The following PDE3A variants were observed in gnomAD, a reference collection of about 807,000 sequenced individuals.
The protein encoded by PDE3A is cGMP-inhibited 3',5'-cyclic phosphodiesterase 3A.
In PDE3A, 43 loss-of-function variants were observed where a neutral mutation model predicts 98.3. The ratio of observed to expected loss-of-function variants is 0.44; its 90% CI spans 0.34 to 0.56. The LOEUF (loss-of-function observed/expected upper bound fraction) is 0.56, where lower values mean the gene tolerates loss of function less well. Ranked by LOEUF, PDE3A falls within the 20% of genes least tolerant of loss-of-function variation. The pLI, the probability that PDE3A is intolerant of heterozygous loss-of-function variation, is 0.01. For synonymous variants in PDE3A, 663 were observed against 567.9 expected (o/e 1.17, Z -2.38); for missense variants, 1,427 against 1,440.7 (o/e 0.99, Z 0.15).
chr12:20,376,340 A>G (rs923844500), intron 1 of PDE3A, among the ~76,000 whole-genome samples: 5 of 151,918 alleles, frequency 3.3e-5, no homozygotes, highest in Non-Finnish European at 7.4e-5. Context: ...TGTGCTACTG[A>G]GGAAACAGTA....
At chr12:20,386,039 AAAATATATAT>A (rs1477854803) in intron 1 of PDE3A, among the ~76,000 whole-genome samples, 8 of 80,634 alleles carry the variant, frequency 9.9e-5, no homozygotes, top group Admixed American at 1.8e-4. Flanking sequence ...AAATATATAT[AAAATATATAT>A]AAATATATAT....
rs547572880 is a variant in PDE3A at position 20,551,978 on chromosome 12, A to G, written c.961-4682A>G. 3.0e-5 allele frequency: 49 copies of G among 1,612,746 alleles called. No homozygotes were observed. In the East Asian group the frequency reaches 1.0e-3, roughly 34 times the overall value. On this transcript the variant is annotated intron_variant, in intron 1 of 15. Coordinates refer to ENST00000359062, the MANE Select transcript of PDE3A (RefSeq NM_000921.5). ...CATCGGCCCCACGTGGCTGGCATCC[A>G]TGGCCGGAGCAACGACGGAGCGTAC...
At chr12:20,492,686 C>T (rs1565566678) in intron 1 of PDE3A, among the ~76,000 whole-genome samples, 2 of 152,134 alleles carry the variant, frequency 1.3e-5, no homozygotes, top group Middle Eastern at 3.2e-3. Flanking sequence ...TTGGATTACG[C>T]TGCTGCACTG....
chr12:20,450,504 A>AC (rs1303212708), intron 1 of PDE3A, among the ~76,000 whole-genome samples: 1 of 152,188 alleles, frequency 6.6e-6, no homozygotes, highest in Admixed American at 6.5e-5. Context: ...AAAATAGAAA[A>AC]CTCCTTCAGC....
chr12:20,644,834 C>T (rs531665145), intron 10 of PDE3A, among the ~76,000 whole-genome samples: 2 of 148,828 alleles, frequency 1.3e-5, no homozygotes, highest in South Asian at 4.2e-4. Context: ...CCTCCTTCCC[C>T]TCCTCCTCCT....
chr12:20,535,714 T>C (rs1941731477), intron 1 of PDE3A, among the ~76,000 whole-genome samples: 1 of 152,180 alleles, frequency 6.6e-6, no homozygotes, highest in Admixed American at 6.5e-5. Flanking sequence ...AATACTGTCT[T>C]CGTTGTACAG....
intron 1 of PDE3A, among the ~76,000 whole-genome samples, chr12:20,485,286 T>TCCC (rs1945706250): frequency 6.6e-6 from 1 of 152,136 alleles, no homozygotes; most frequent in Non-Finnish European, 1.5e-5. Flanking sequence ...CCTCTTTTTA[T>TCCC]ATGTCTGTCT....
chr12:20,377,011 C>T (rs964271169), intron 1 of PDE3A, among the ~76,000 whole-genome samples: 54 of 151,782 alleles, frequency 3.6e-4, no homozygotes, highest in African/African-American at 1.3e-3. Context: ...CACTCATGTT[C>T]TTTCCTCCTG....
intron 15 of PDE3A, among the ~76,000 whole-genome samples, chr12:20,661,446 A>T (rs992775059): frequency 6.6e-6 from 1 of 152,224 alleles, no homozygotes; most frequent in Non-Finnish European, 1.5e-5. Flanking sequence ...ACAATGGGGA[A>T]AATGTCTCCA....
chr12:20,655,848 C>G (rs1945030533), intron 15 of PDE3A, among the ~76,000 whole-genome samples: 1 of 152,070 alleles, frequency 6.6e-6, no homozygotes, highest in African/African-American at 2.4e-5. Flanking sequence ...GTTAGGAGAC[C>G]ATTGAAATTA....
At chr12:20,414,441 A>G (rs1378485269) in intron 1 of PDE3A, among the ~76,000 whole-genome samples, 1 of 152,212 alleles carries the variant, frequency 6.6e-6, no homozygotes, top group Non-Finnish European at 1.5e-5. Context: ...AAATTTCTCT[A>G]AGTCATGCAT....
chr12:20,645,077 C>T (rs11045363), intron 10 of PDE3A, among the ~76,000 whole-genome samples: 87 of 151,598 alleles, frequency 5.7e-4, no homozygotes, highest in African/African-American at 2.0e-3. Flanking sequence ...TTGGTATAGA[C>T]GGGATTTTAC....
At chr12:20,633,179 G>A (rs568655809) in intron 6 of PDE3A, among the ~76,000 whole-genome samples, 70 of 152,214 alleles carry the variant, frequency 4.6e-4, no homozygotes, top group African/African-American at 1.6e-3. Flanking sequence ...TTGAACTCCT[G>A]ACCTCAGGTG....
intron 1 of PDE3A, among the ~76,000 whole-genome samples, chr12:20,486,614 A>T (rs1418916358): frequency 6.6e-6 from 1 of 152,174 alleles, no homozygotes; most frequent in East Asian, 1.9e-4. Context: ...TATGTGGTTC[A>T]CCTAATCCAA....
chr12:20,443,074 T>C (rs1591937398), intron 1 of PDE3A, among the ~76,000 whole-genome samples: 1 of 76,798 alleles, frequency 1.3e-5, no homozygotes, highest in East Asian at 3.0e-4. Context: ...CCTGTATAGG[T>C]GTAAGTATAT....
chr12:20,640,858 CAT>C (rs990464980), intron 10 of PDE3A, among the ~76,000 whole-genome samples: 4 of 151,968 alleles, frequency 2.6e-5, no homozygotes, highest in Non-Finnish European at 5.9e-5. Flanking sequence ...AATAATCAAA[CAT>C]AATATATTGA....
rs955204173 is a variant in PDE3A at position 20,653,881 on chromosome 12, G to T, written c.2926-66G>T. 31 of 1,534,712 alleles carry T rather than the reference G, an allele frequency of 2.0e-5. No individual in the cohort carries two copies. The Admixed American group carries it at 5.5e-4, about 27-fold the overall frequency. ...AAGAAGTTTGTGCATTAATGCCTGGGGTTTTACATATTTACAAATTTCAGA... is the reference window on the plus strand; with the variant it reads ...AAGAAGTTTGTGCATTAATGCCTGGTGTTTTACATATTTACAAATTTCAGA... On this transcript the variant is annotated intron_variant, in intron 14 of 15. Coordinates refer to ENST00000359062, the MANE Select transcript of PDE3A (RefSeq NM_000921.5).
At chr12:20,642,218 T>C (rs1197311319) in intron 10 of PDE3A, among the ~76,000 whole-genome samples, 1 of 152,128 alleles carries the variant, frequency 6.6e-6, no homozygotes, top group Non-Finnish European at 1.5e-5. Flanking sequence ...GTTCTAAGTG[T>C]ACCTTTAACG....
At chr12:20,662,212 A>C (rs940137930) in intron 15 of PDE3A, among the ~76,000 whole-genome samples, 14 of 152,190 alleles carry the variant, frequency 9.2e-5, no homozygotes, top group Admixed American at 6.5e-4. Context: ...GAGGACTCAG[A>C]AGACAGGAAA....
Sources: gnomAD v4.1 joint callset for allele counts (sites outside exome capture counted in the v4.1 genomes callset) on GRCh38, gnomAD v4.1.1 for gene constraint, MANE v1.5 for transcripts, NCBI Gene and HGNC (gene_info 2026-07-23, HGNC 2026-07-21) for gene names.